Variants in SCHIP1 observed in about 807,000 individuals in gnomAD.
SCHIP1 encodes schwannomin-interacting protein 1.
SCHIP1 carries 8 observed loss-of-function variants against 29.7 expected under a neutral mutation model. The ratio of observed to expected loss-of-function variants is 0.27; its 90% confidence interval spans 0.16 to 0.49. SCHIP1 has a LOEUF of 0.49. SCHIP1 is among the 20% of genes least tolerant of loss of function. The probability of loss-of-function intolerance (pLI) is 0.99; values close to 1 mark genes in which losing one functional copy is unlikely to be tolerated. For synonymous variants in SCHIP1, 76 were observed against 94.9 expected (o/e 0.80, Z 1.16); for missense variants, 193 against 294.6 (o/e 0.66, Z 2.52).
the SCHIP1 span, among the ~76,000 whole-genome samples, chr3:159,447,557 C>A: frequency 6.6e-6 from 1 of 152,146 alleles, no homozygotes; most frequent in Non-Finnish European, 1.5e-5. Flanking sequence ...ATCTGGGCTC[C>A]CATTGCCGTG....
At chr3:159,445,263 G>A in the SCHIP1 span, among the ~76,000 whole-genome samples, 1 of 151,952 alleles carries the variant, frequency 6.6e-6, no homozygotes, top group Non-Finnish European at 1.5e-5. Flanking sequence ...GCAGCCAAAA[G>A]ACACATGAAA....
chr3:159,431,127 AAAAACAACAC>A, the SCHIP1 span, among the ~76,000 whole-genome samples: 320 of 152,248 alleles, frequency 2.1e-3, no homozygotes, highest in South Asian at 3.7e-3. Context: ...CAGCGAGGAA[AAAAACAACAC>A]AAAACAACAC....
At chr3:159,507,393 A>G in the SCHIP1 span, among the ~76,000 whole-genome samples, 1 of 152,216 alleles carries the variant, frequency 6.6e-6, no homozygotes, top group Non-Finnish European at 1.5e-5. Flanking sequence ...TTCTAAATAT[A>G]CAATCATGTC....
the SCHIP1 span, among the ~76,000 whole-genome samples, chr3:159,335,840 G>T: frequency 9.9e-5 from 15 of 152,130 alleles, no homozygotes; most frequent in Admixed American, 3.9e-4. Context: ...ATGATTTATA[G>T]TCCTTTGGAT....
the SCHIP1 span, among the ~76,000 whole-genome samples, chr3:159,804,228 G>C: frequency 3.9e-5 from 6 of 152,270 alleles, 1 homozygote; most frequent in Middle Eastern, 0.014. Context: ...TGAGTATTTA[G>C]AGACTGATTT....
the SCHIP1 span, among the ~76,000 whole-genome samples, chr3:159,715,520 T>C: frequency 6.6e-6 from 1 of 152,122 alleles, no homozygotes; most frequent in African/African-American, 2.4e-5. Context: ...ATTGGACAAA[T>C]GGCTAACTAG....
chr3:159,329,862 C>T, the SCHIP1 span, among the ~76,000 whole-genome samples: 5 of 149,620 alleles, frequency 3.3e-5, no homozygotes, highest in Non-Finnish European at 7.4e-5. Context: ...GGCACAGCAC[C>T]GTTAGTATTT....
At chr3:159,735,386 T>A in the SCHIP1 span, among the ~76,000 whole-genome samples, 1 of 151,984 alleles carries the variant, frequency 6.6e-6, no homozygotes. Flanking sequence ...CCCGTCATCA[T>A]GCCTGGCTAA....
At chr3:159,654,588 G>C in the SCHIP1 span, among the ~76,000 whole-genome samples, 1 of 151,962 alleles carries the variant, frequency 6.6e-6, no homozygotes, top group African/African-American at 2.4e-5. Flanking sequence ...CCTATAATTT[G>C]AGGATATGAG....
the SCHIP1 span, among the ~76,000 whole-genome samples, chr3:159,423,950 G>C: frequency 2.6e-5 from 4 of 151,910 alleles, no homozygotes; most frequent in Non-Finnish European, 4.4e-5. Context: ...AGGCAAACAG[G>C]GTCTGGAGTG....
the SCHIP1 span, among the ~76,000 whole-genome samples, chr3:159,682,371 C>T: frequency 6.6e-6 from 1 of 152,178 alleles, no homozygotes; most frequent in Non-Finnish European, 1.5e-5. Context: ...GAAAAGGGCT[C>T]AGCTTCAACT....
chr3:159,288,819 G>A, the SCHIP1 span, among the ~76,000 whole-genome samples: 3 of 152,294 alleles, frequency 2.0e-5, no homozygotes, highest in South Asian at 2.1e-4. Context: ...AACTGGCAAG[G>A]TGAATGGGAA....
chr3:159,359,139 G>A, the SCHIP1 span, among the ~76,000 whole-genome samples: 2 of 151,844 alleles, frequency 1.3e-5, no homozygotes, highest in African/African-American at 4.8e-5. Context: ...TGTTGGCCAG[G>A]ATGATCTCGA....
At chr3:159,344,922 A>G in the SCHIP1 span, among the ~76,000 whole-genome samples, 4 of 152,344 alleles carry the variant, frequency 2.6e-5, no homozygotes, top group Non-Finnish European at 2.9e-5. Context: ...TTTTCTGTAA[A>G]TATAGAACTA....
chr3:159,623,121 C>G, the SCHIP1 span, among the ~76,000 whole-genome samples: 5 of 152,080 alleles, frequency 3.3e-5, no homozygotes, highest in East Asian at 1.9e-4. Flanking sequence ...CAGAAATAGA[C>G]TTACAAGCTT....
chr3:159,831,906 G>A, the SCHIP1 span, among the ~76,000 whole-genome samples: 1 of 152,206 alleles, frequency 6.6e-6, no homozygotes, highest in East Asian at 1.9e-4. Context: ...ATGATTGTAT[G>A]TCTGTTTACT....
the SCHIP1 span, among the ~76,000 whole-genome samples, chr3:159,439,141 C>T: frequency 1.3e-5 from 2 of 152,130 alleles, no homozygotes; most frequent in Non-Finnish European, 2.9e-5. Context: ...TGCACAACCT[C>T]ACCAATATCT....
At chr3:159,451,461 T>C in the SCHIP1 span, among the ~76,000 whole-genome samples, 4 of 152,252 alleles carry the variant, frequency 2.6e-5, no homozygotes, top group Admixed American at 2.6e-4. Flanking sequence ...ATTTACTTTG[T>C]CATTTTAGGT....
chr3:159,745,135 T>G, the SCHIP1 span, among the ~76,000 whole-genome samples: 3 of 152,240 alleles, frequency 2.0e-5, no homozygotes, highest in East Asian at 5.8e-4. Context: ...CAGCTCCATA[T>G]TTCTTATTTA....
Sources: allele counts gnomAD v4.1 joint callset (sites outside exome capture counted in the v4.1 genomes callset), GRCh38; gene constraint gnomAD v4.1.1; transcripts MANE v1.5; gene names NCBI Gene and HGNC (gene_info 2026-07-23, HGNC 2026-07-21).